The following MPDZ variants were observed in gnomAD, a reference collection of about 807,000 sequenced individuals.
MPDZ encodes the protein multiple PDZ domain protein.
MPDZ carries 234 observed loss-of-function variants against 239.1 expected under a neutral mutation model. The observed-to-expected ratio is 0.98, with a 90% CI of 0.88 to 1.09. The LOEUF (loss-of-function observed/expected upper bound fraction) is 1.09, where lower values mean the gene tolerates loss of function less well. Among genes scored for constraint, MPDZ ranks in the 50% least tolerant of loss-of-function variants. MPDZ has a pLI of 0.00. For synonymous variants in MPDZ, 1,048 were observed against 881.3 expected (o/e 1.19, Z -3.35); for missense variants, 3,175 against 2,510.0 (o/e 1.26, Z -5.66).
At chr9:13,161,855 C>A (rs542445973) in intron 23 of MPDZ, among the ~76,000 whole-genome samples, 12 of 152,296 alleles carry the variant, frequency 7.9e-5, no homozygotes, top group Non-Finnish European at 1.3e-4. Flanking sequence ...TTTAAAGGCT[C>A]TTAATACTTT....
intron 1 of MPDZ, among the ~76,000 whole-genome samples, chr9:13,266,952 C>T (rs1971917712): frequency 6.6e-6 from 1 of 152,170 alleles, no homozygotes; most frequent in Non-Finnish European, 1.5e-5. Context: ...TATCATTTCG[C>T]TGATGTAAAA....
At position 13,247,652 on chromosome 9, in the gene MPDZ, G is replaced by A; in HGVS notation, c.166C>T (p.Gln56Ter). The A allele has an allele frequency of 1.2e-6, 2 of 1,612,932 alleles. No individual in the cohort carries two copies. The highest frequency in any genetic ancestry group is 1.7e-6 in the Non-Finnish European group (2 of 1,179,124). ...TGTCCTACCTGGTCTTTCAGCTGCT[G>A]TACAGAAGTCTGAAGGCTCAGAATC... ...SQILSLQTSV[Q>*]QLKDQVNIAT... is the part of the protein sequence containing the mutation. Residue 56 changes from glutamine to a stop codon, truncating the protein, a stop_gained, in exon 3 of 47, where the codon CAG becomes TAG. Coordinates refer to ENST00000319217, the MANE Select transcript of MPDZ (RefSeq NM_001378778.1). LOFTEE classifies it high-confidence loss of function.
rs555619298 is a variant in MPDZ, at chr9:13,247,259, G to T, written c.183+376C>A. On this transcript the variant is annotated intron_variant, in intron 3 of 46. Coordinates refer to ENST00000319217, the MANE Select transcript of MPDZ (RefSeq NM_001378778.1). ...CAAATCCACGCTTATCTGAAATCTT[G>T]TAAGTATACTGAATGTCCGAATCTG... Among the ~76,000 whole-genome samples, 21 of 152,240 alleles carry T rather than the reference G, an allele frequency of 1.4e-4. No homozygotes were observed. In the East Asian group the frequency reaches 3.7e-3, roughly 27 times the overall value.
intron 22 of MPDZ, among the ~76,000 whole-genome samples, chr9:13,166,482 T>C (rs1264154274): frequency 6.6e-6 from 1 of 152,134 alleles, no homozygotes; most frequent in Admixed American, 6.6e-5. Flanking sequence ...AGCATTTGAA[T>C]CAGAGTATCT....
intron 1 of MPDZ, among the ~76,000 whole-genome samples, chr9:13,255,513 CAAT>C (rs1186857350): frequency 2.6e-5 from 4 of 152,110 alleles, no homozygotes; most frequent in Admixed American, 2.6e-4. Flanking sequence ...TGTACTTTTT[CAAT>C]AATAAGACTT....
rs115081278 is a variant in MPDZ, at chr9:13,157,461, G to C, written c.3452+557C>G. ...AGTAAATTCCTATTAAACTAAAGTTGATTTTACTCAGCATAAACACATCAG... is the reference window on the plus strand; with the variant it reads ...AGTAAATTCCTATTAAACTAAAGTTCATTTTACTCAGCATAAACACATCAG... On this transcript the variant is annotated intron_variant, in intron 24 of 46. Coordinates refer to ENST00000319217, the MANE Select transcript of MPDZ (RefSeq NM_001378778.1). Among the ~76,000 whole-genome samples the C allele has an allele frequency of 3.7e-3, 570 of 152,156 alleles. 3 individuals carry two copies. The highest frequency in any genetic ancestry group is 0.013 in the African/African-American group (531 of 41,512).
At chr9:13,214,143 A>G (rs553398934) in intron 10 of MPDZ, among the ~76,000 whole-genome samples, 6 of 152,238 alleles carry the variant, frequency 3.9e-5, no homozygotes, top group Non-Finnish European at 7.4e-5. Flanking sequence ...AGCATTATTC[A>G]TAACAGCTAA....
At chr9:13,225,717 T>C (rs1960363753) in intron 3 of MPDZ, among the ~76,000 whole-genome samples, 1 of 152,110 alleles carries the variant, frequency 6.6e-6, no homozygotes, top group Non-Finnish European at 1.5e-5. Context: ...ATAGCCTAGC[T>C]GTGTGGTAGG....
chr9:13,218,529 C>T (rs1365036828), intron 8 of MPDZ, among the ~76,000 whole-genome samples: 2 of 151,928 alleles, frequency 1.3e-5, no homozygotes, highest in African/African-American at 4.8e-5. Flanking sequence ...CATAAACAAG[C>T]ATTCTTTACT....
chr9:13,124,479 C>T (rs1944829432), intron 35 of MPDZ, among the ~76,000 whole-genome samples: 1 of 152,108 alleles, frequency 6.6e-6, no homozygotes, highest in Non-Finnish European at 1.5e-5. Flanking sequence ...AAAGCCAATG[C>T]CTTATTTTTT....
intron 37 of MPDZ, 58 bp downstream of exon 37, chr9:13,122,029 C>A (rs146832250): frequency 6.2e-7 from 1 of 1,603,292 alleles, no homozygotes; most frequent in Non-Finnish European, 8.5e-7. Context: ...GAAAGAAACA[C>A]TCCCCCCAGG....
chr9:13,144,515 G>T (rs983542085), intron 26 of MPDZ, among the ~76,000 whole-genome samples: 1 of 151,940 alleles, frequency 6.6e-6, no homozygotes, highest in Non-Finnish European at 1.5e-5. Context: ...GGAAATTGCA[G>T]ACATTTAAAA....
chr9:13,250,664 A>G (rs922884587), intron 1 of MPDZ, among the ~76,000 whole-genome samples: 1 of 152,216 alleles, frequency 6.6e-6, no homozygotes, highest in African/African-American at 2.4e-5. Flanking sequence ...AGTTCTCAGT[A>G]CAGACCACTA....
intron 1 of MPDZ, among the ~76,000 whole-genome samples, chr9:13,252,050 T>C (rs1157483264): frequency 6.6e-6 from 1 of 152,178 alleles, no homozygotes; most frequent in Non-Finnish European, 1.5e-5. Flanking sequence ...AACTTGTAAC[T>C]ATGATATATT....
rs146816074 is a variant in MPDZ, at chr9:13,162,674, T to C, written c.3359+17A>G. On this transcript the variant is annotated intron_variant, in intron 23 of 46. Coordinates refer to ENST00000319217, the MANE Select transcript of MPDZ (RefSeq NM_001378778.1). ...TTGCTGTACCATTCATTGTATTAGA[T>C]TTAATGTTTCACTTACCTGCCAGTG... The C allele has an allele frequency of 2.7e-4, 417 of 1,537,832 alleles. 3 individuals carry two copies. In the African/African-American group the frequency reaches 4.7e-3, roughly 17 times the overall value.
At position 13,172,321 on chromosome 9, in the gene MPDZ, A is replaced by G. The variant is rs535343515; in HGVS notation, c.3055+3431T>C. Among the ~76,000 whole-genome samples, 5 of 152,220 alleles carry G rather than the reference A, an allele frequency of 3.3e-5. No homozygotes were observed. In the South Asian group the frequency reaches 1.0e-3, roughly 32 times the overall value. ...AACTAATTGTGATTTACACTTTTAT[A>G]TTACAGTGTGAATGGTAAACTAATG... On this transcript the variant is annotated intron_variant, in intron 21 of 46. Transcript: ENST00000319217.
chr9:13,138,003 G>A lies in MPDZ; in HGVS notation c.4154C>T (p.Ala1385Val), dbSNP rs376489902. 4.3e-6 allele frequency: 7 copies of A among 1,613,688 alleles called. No individual in the cohort carries two copies. In the Admixed American group the frequency reaches 6.7e-5, roughly 15 times the overall value. ...VFIVGIDPNGAAGKDGRLQIA... is the reference protein window; with the variant it reads ...VFIVGIDPNGVAGKDGRLQIA... ...TTGCAATCGACCATCTTTTCCTGCA[G>A]CTCCATTTGGATCAATCCCCACTAT... The change falls in exon 29 of 47, where the codon GCT (alanine) becomes GTT (valine). Residue 1385 changes from alanine to valine, a missense_variant. By Grantham distance (64) the Ala-to-Val change is moderately conservative (BLOSUM62 0). Transcript: ENST00000319217.
chr9:13,143,699 C>A, intron 26 of MPDZ, 135 bp from the exon 27 acceptor site: 1 of 706,962 alleles, frequency 1.4e-6, no homozygotes, highest in South Asian at 1.6e-5. Flanking sequence ...TCATTAATAG[C>A]AACATCTTAA....
intron 24 of MPDZ, among the ~76,000 whole-genome samples, chr9:13,151,843 A>C (rs1949214949): frequency 6.6e-6 from 1 of 151,858 alleles, no homozygotes; most frequent in South Asian, 2.1e-4. Context: ...CATATATGTT[A>C]ATTTTTACAA....
Sources: gnomAD v4.1 joint callset for allele counts (sites outside exome capture counted in the v4.1 genomes callset) on GRCh38, gnomAD v4.1.1 for gene constraint, MANE v1.5 for transcripts, NCBI Gene and HGNC (gene_info 2026-07-23, HGNC 2026-07-21) for gene names.